GVQW3: variants seen among roughly 807,000 people sequenced by gnomAD.
GVQW3 encodes GVQW motif containing 3, also known as protein GVQW3.
In GVQW3, 7 loss-of-function variants were observed where a neutral mutation model predicts 12.5. That is an observed-to-expected ratio of 0.56 (90% CI 0.32 to 1.05). GVQW3 has a LOEUF of 1.05. GVQW3 is among the 50% of genes least tolerant of loss of function. The probability of loss-of-function intolerance (pLI) is 0.04; values close to 1 mark genes in which losing one functional copy is unlikely to be tolerated. For missense variants in GVQW3, 188 were observed against 190.8 expected (o/e 0.99, Z 0.09); for synonymous variants, 71 against 67.2 (o/e 1.06, Z -0.28).
At chr11:76,390,069 G>T (rs138063091) in intron 1 of GVQW3, 2 of 152,256 alleles carry the variant, frequency 1.3e-5, no homozygotes, top group East Asian at 3.9e-4. Flanking sequence ...AGATGAAATT[G>T]TTATGTTGGG....
rs113239153 is a variant in GVQW3 at position 76,386,583 on chromosome 11, T to C, written c.465+4290T>C. 5.3e-3 allele frequency among the ~76,000 whole-genome samples: 802 copies of C among 152,326 alleles called. 3 individuals are homozygous for C. The highest frequency in any genetic ancestry group is 9.0e-3 in the Non-Finnish European group (609 of 68,016). On this transcript the variant is annotated intron_variant, in intron 1 of 1. Transcript: ENST00000529331. ...CATTACAAATGCTGCTCAGTCTCCCTGCTATTTGCAGACATCATCACCAGA... is the reference window on the plus strand; with the variant it reads ...CATTACAAATGCTGCTCAGTCTCCCCGCTATTTGCAGACATCATCACCAGA...
intron 1 of GVQW3, among the ~76,000 whole-genome samples, chr11:76,391,224 G>A (rs1422965939): frequency 6.6e-6 from 1 of 152,256 alleles, no homozygotes. Context: ...TCAAGGTGGT[G>A]CCTAAACACG....
intron 1 of GVQW3, chr11:76,389,631 T>C (rs1444431199): frequency 6.6e-6 from 1 of 152,244 alleles, no homozygotes; most frequent in Non-Finnish European, 1.5e-5. Context: ...ATGAATCAAG[T>C]ATATTCTGAC....
downstream of GVQW3, among the ~76,000 whole-genome samples, chr11:76,410,339 G>T (rs185293692): frequency 7.4e-4 from 113 of 152,000 alleles, no homozygotes; most frequent in Admixed American, 2.8e-3. Context: ...AATCCCAATG[G>T]TTCCTCTTCT....
Position 76,382,222 on chromosome 11 carries a change from C to G in GVQW3, c.394C>G (p.Pro132Ala). ...ISGVLKGEPK[P>A]RKLDFRSDLS... The stretch of plus-strand genomic sequence containing the variant: ...GGGTGTTTTGAAGGGTGAGCCTAAA[C>G]CACGAAAACTTGACTTTCGGTCCGA... The change falls in exon 1 of 2, where the codon CCA becomes GCA. Residue 132 changes from proline to alanine, a missense_variant. Coordinates refer to ENST00000529331, the MANE Select transcript of GVQW3 (RefSeq NM_001347885.2). The G allele has an allele frequency of 6.5e-7, 1 of 1,536,054 alleles. No individual in the cohort carries two copies. The highest frequency in any genetic ancestry group is 8.7e-7 in the Non-Finnish European group (1 of 1,146,892).
chr11:76,409,298 T>A (rs545678928), downstream of GVQW3, among the ~76,000 whole-genome samples: 1 of 152,056 alleles, frequency 6.6e-6, no homozygotes, highest in Admixed American at 6.5e-5. Flanking sequence ...AGGAGAGATA[T>A]AAAATAAACA....
Position 76,382,000 on chromosome 11 carries a change from C to A in GVQW3, c.172C>A (p.Arg58=), listed in dbSNP as rs756869819. 30 of 1,536,392 alleles carry A rather than the reference C, an allele frequency of 2.0e-5. No individual in the cohort carries two copies. The Middle Eastern group carries it at 2.0e-3, about 103-fold the overall frequency. Residue 58 remains arginine, a synonymous_variant, in exon 1 of 2, where the codon CGA becomes AGA. Coordinates refer to ENST00000529331, the MANE Select transcript of GVQW3 (RefSeq NM_001347885.2). The part of the protein sequence containing the change: ...KRFKEGREDV[R]DDARSGRPVT... ...GTTTAAAGAAGGACGGGAAGATGTT[C>A]GAGATGATGCCCGAAGTGGGCGTCC... is the stretch of plus-strand genomic sequence containing the variant.
At chr11:76,387,472 ACAGATGGCAGG>A (rs1217023421) in intron 1 of GVQW3, among the ~76,000 whole-genome samples, 12 of 152,202 alleles carry the variant, frequency 7.9e-5, no homozygotes, top group Admixed American at 7.2e-4. Flanking sequence ...CCATAGAAAA[ACAGATGGCAGG>A]ACAGATTTGG....
At chr11:76,399,567 C>T (rs747689904) in intron 1 of GVQW3, among the ~76,000 whole-genome samples, 2 of 152,184 alleles carry the variant, frequency 1.3e-5, no homozygotes, top group Non-Finnish European at 2.9e-5. Flanking sequence ...CACAATTATT[C>T]TGGGTGTGTC....
chr11:76,408,994 A>C (rs1468480357), downstream of GVQW3, among the ~76,000 whole-genome samples: 1 of 152,198 alleles, frequency 6.6e-6, no homozygotes, highest in Non-Finnish European at 1.5e-5. Flanking sequence ...TGCAGCTCAG[A>C]GGCCATCTCT....
At chr11:76,399,731 C>T (rs1946970807) in intron 1 of GVQW3, among the ~76,000 whole-genome samples, 1 of 152,180 alleles carries the variant, frequency 6.6e-6, no homozygotes, top group Admixed American at 6.5e-5. Flanking sequence ...GAAACTCCTC[C>T]TGCCTGGCTG....
chr11:76,382,278 A>C lies in GVQW3; in HGVS notation c.450A>C (p.Ser150=). 2.5e-4 allele frequency: 376 copies of C among 1,518,276 alleles called. No individual in the cohort carries two copies. The highest frequency in any genetic ancestry group is 3.1e-4 in the Non-Finnish European group (349 of 1,130,892). 94.1% of individuals were successfully genotyped at this position (1,518,276 alleles called of 1,614,324 possible). ...CAAAGGAAACTAGGAAAAATAGCTCATGTTTGAGGAAAAAGGTAACAGGTT... is the reference window on the plus strand; with the variant it reads ...CAAAGGAAACTAGGAAAAATAGCTCCTGTTTGAGGAAAAAGGTAACAGGTT... ...DLSKETRKNS[S]CLRKKRRNLT... is the part of the protein sequence containing the mutation. The change falls in exon 1 of 2, where the codon TCA becomes TCC. Residue 150 remains serine (S), a synonymous_variant. Coordinates refer to ENST00000529331, the MANE Select transcript of GVQW3 (RefSeq NM_001347885.2).
Position 76,407,005 on chromosome 11 carries a change from C to T in GVQW3, c.*3247C>T, listed in dbSNP as rs1001625653. The T allele has an allele frequency of 6.6e-6, 1 of 151,716 alleles. No individual in the cohort carries two copies. Among genetic ancestry groups the T allele is most frequent in the African/African-American group, 2.4e-5 (1 of 41,264 alleles). 9.4% of individuals were successfully genotyped at this position (151,716 alleles called of 1,614,324 possible). On this transcript the variant is annotated 3_prime_UTR_variant, in exon 2 of 2. Coordinates refer to ENST00000529331, the MANE Select transcript of GVQW3 (RefSeq NM_001347885.2). ...CCTGGGCTACAGAGCGAGACTCTGT[C>T]TCAAAAAATAAATAAAATAAAATAA... is the stretch of plus-strand genomic sequence containing the variant.
At chr11:76,412,680 C>T (rs887975289), downstream of GVQW3, 3 of 152,350 alleles carry the variant, frequency 2.0e-5, no homozygotes, top group African/African-American at 7.2e-5. Flanking sequence ...AAGCCCCAGC[C>T]AGCAGAAGCA....
chr11:76,396,019 T>C (rs1164527424), intron 1 of GVQW3, among the ~76,000 whole-genome samples: 1 of 152,136 alleles, frequency 6.6e-6, no homozygotes, highest in African/African-American at 2.4e-5. Context: ...CTTCTAATCC[T>C]TTTAGGCAGT....
In GVQW3 at chr11:76,404,184, A is replaced by C. The variant is rs921989707; in HGVS notation, c.*426A>C. On this transcript the variant is annotated 3_prime_UTR_variant, in exon 2 of 2. Transcript: ENST00000529331. ...GTAGTGAGAAAGAGGGAAGGAATAG[A>C]ACGAGGAGTTCAATCTGTGACTGAC... 4.8e-5 allele frequency: 20 copies of C among 416,182 alleles called. No homozygotes were observed. Among genetic ancestry groups the C allele is most frequent in the Middle Eastern group, 3.1e-4 (1 of 3,258 alleles). The allele number at this position is 416,182 out of a possible 1,614,324, so 25.8% of individuals were successfully genotyped here. A position where few individuals can be genotyped will look rare whatever the true frequency, so the allele number is the denominator to read the frequency against.
chr11:76,399,434 G>C (rs1946968424), intron 1 of GVQW3, among the ~76,000 whole-genome samples: 1 of 152,128 alleles, frequency 6.6e-6, no homozygotes. Flanking sequence ...GAGCCACCAT[G>C]CCTGAACTGT....
chr11:76,401,705 G>A (rs995760909), intron 1 of GVQW3, among the ~76,000 whole-genome samples: 14 of 150,682 alleles, frequency 9.3e-5, no homozygotes, highest in Non-Finnish European at 2.9e-5. Context: ...CCTGGGAGGC[G>A]GAGGTTGCAG....
chr11:76,396,774 A>T (rs770287445), intron 1 of GVQW3, among the ~76,000 whole-genome samples: 11 of 152,198 alleles, frequency 7.2e-5, no homozygotes, highest in Non-Finnish European at 1.5e-4. Flanking sequence ...CTAATTTTAG[A>T]ACAGATTACA....
Sources: gnomAD v4.1 joint callset for allele counts (sites outside exome capture counted in the v4.1 genomes callset) on GRCh38, gnomAD v4.1.1 for gene constraint, MANE v1.5 for transcripts, NCBI Gene and HGNC (gene_info 2026-07-23, HGNC 2026-07-21) for gene names.